Variants in ZFHX3 observed in about 807,000 individuals in gnomAD.
The protein encoded by ZFHX3 is zinc finger homeobox 3.
A neutral mutation model predicts 279.1 loss-of-function variants in ZFHX3; 42 were observed. The observed-to-expected ratio is 0.15, with a 90% CI of 0.12 to 0.19. The LOEUF (loss-of-function observed/expected upper bound fraction) is 0.19, where lower values mean the gene tolerates loss of function less well. Among genes scored for constraint, ZFHX3 ranks in the 10% least tolerant of loss-of-function variants. The pLI is 1.00. For missense variants in ZFHX3, 4,981 were observed against 4,754.0 expected (o/e 1.05, Z -1.40); for synonymous variants, 2,293 against 1,957.8 (o/e 1.17, Z -4.52).
At chr16:73,524,099 G>A (rs1422457585) in intron 2 of ZFHX3, among the ~76,000 whole-genome samples, 1 of 152,172 alleles carries the variant, frequency 6.6e-6, no homozygotes, top group Non-Finnish European at 1.5e-5. Flanking sequence ...AAGGACAGTA[G>A]GCTGGGTGAT....
chr16:73,306,121 G>A (rs1051044003), intron 4 of ZFHX3, among the ~76,000 whole-genome samples: 3 of 152,084 alleles, frequency 2.0e-5, no homozygotes, highest in Admixed American at 6.5e-5. Context: ...TTTCTACTGC[G>A]TACCTACTGT....
At chr16:73,818,483 A>G (rs962606042) in intron 1 of ZFHX3, among the ~76,000 whole-genome samples, 4 of 152,208 alleles carry the variant, frequency 2.6e-5, no homozygotes, top group Admixed American at 6.5e-5. Context: ...ATCATTATAC[A>G]TGATATCAAC....
chr16:73,122,920 G>A (rs1243385580), intron 7 of ZFHX3, among the ~76,000 whole-genome samples: 1 of 152,030 alleles, frequency 6.6e-6, no homozygotes. Context: ...GGCAACTGAA[G>A]AAAAGAAAAG....
intron 3 of ZFHX3, among the ~76,000 whole-genome samples, chr16:73,358,574 C>T (rs1279402248): frequency 6.6e-6 from 1 of 152,182 alleles, no homozygotes; most frequent in East Asian, 1.9e-4. Flanking sequence ...AGATTCCTGC[C>T]CTGTAGAAGC....
intron 2 of ZFHX3, among the ~76,000 whole-genome samples, chr16:73,588,836 TG>T (rs2051957003): frequency 6.6e-6 from 1 of 151,836 alleles, no homozygotes; most frequent in Admixed American, 6.6e-5. Flanking sequence ...AATGAACTTC[TG>T]GGGTTGGGGA....
intron 4 of ZFHX3, among the ~76,000 whole-genome samples, chr16:72,832,975 G>GA (rs1415719682): frequency 1.1e-4 from 16 of 152,240 alleles, no homozygotes; most frequent in Admixed American, 2.0e-4. Context: ...ACAGTAACCG[G>GA]AAAACTGTGA....
intron 5 of ZFHX3, among the ~76,000 whole-genome samples, chr16:73,226,310 C>CT: frequency 6.6e-6 from 1 of 152,324 alleles, no homozygotes; most frequent in African/African-American, 2.4e-5. Context: ...GCGCGGAACT[C>CT]TAAGTGGATC....
intron 4 of ZFHX3, among the ~76,000 whole-genome samples, chr16:73,311,062 G>C (rs933633755): frequency 2.0e-5 from 3 of 151,700 alleles, no homozygotes; most frequent in African/African-American, 4.8e-5. Context: ...GTGAGACCCT[G>C]TCTTTACTAA....
intron 7 of ZFHX3, among the ~76,000 whole-genome samples, chr16:73,116,338 C>T (rs1316944975): frequency 6.6e-6 from 1 of 152,054 alleles, no homozygotes; most frequent in Admixed American, 6.5e-5. Flanking sequence ...GTTACTCACT[C>T]ACAGGCATTT....
intron 1 of ZFHX3, among the ~76,000 whole-genome samples, chr16:73,702,317 A>G (rs1414249868): frequency 6.6e-6 from 1 of 152,102 alleles, no homozygotes; most frequent in Admixed American, 6.6e-5. Flanking sequence ...TGGGGGCTGC[A>G]GGTGTGGGGA....
intron 5 of ZFHX3, among the ~76,000 whole-genome samples, chr16:73,255,590 T>C (rs1265551323): frequency 6.6e-6 from 1 of 152,196 alleles, no homozygotes; most frequent in East Asian, 1.9e-4. Context: ...TAATGTCTGC[T>C]GAAGCCCTGG....
chr16:72,890,812 G>A (rs185742337), intron 3 of ZFHX3, among the ~76,000 whole-genome samples: 20 of 152,344 alleles, frequency 1.3e-4, no homozygotes, highest in African/African-American at 3.4e-4. Flanking sequence ...ACACAGCCAC[G>A]TCCATTGATT....
intron 2 of ZFHX3, among the ~76,000 whole-genome samples, chr16:73,526,646 G>T (rs551580664): frequency 3.9e-5 from 6 of 152,172 alleles, no homozygotes; most frequent in Non-Finnish European, 5.9e-5. Flanking sequence ...AGAACTGCTG[G>T]CTGTGAACTT....
chr16:73,787,542 TTGGGTGAGACC>T (rs2142310837), intron 1 of ZFHX3, among the ~76,000 whole-genome samples: 1 of 152,296 alleles, frequency 6.6e-6, no homozygotes, highest in East Asian at 1.9e-4. Context: ...CATTAACAAT[TTGGGTGAGACC>T]TGGATTCATT....
intron 3 of ZFHX3, among the ~76,000 whole-genome samples, chr16:73,395,187 G>A (rs2017102085): frequency 6.6e-6 from 1 of 152,194 alleles, no homozygotes; most frequent in African/African-American, 2.4e-5. Flanking sequence ...CATCTGGGCT[G>A]AGCACAGTGG....
At chr16:73,618,950 A>G (rs1036674368) in intron 2 of ZFHX3, among the ~76,000 whole-genome samples, 4 of 152,180 alleles carry the variant, frequency 2.6e-5, no homozygotes, top group African/African-American at 7.2e-5. Flanking sequence ...GCTGACTACC[A>G]TGGATAATTT....
chr16:72,904,484 T>C (rs1230132844), intron 3 of ZFHX3, among the ~76,000 whole-genome samples: 1 of 152,170 alleles, frequency 6.6e-6, no homozygotes, highest in Non-Finnish European at 1.5e-5. Flanking sequence ...CTATTCCTCC[T>C]GGGTCTTCAG....
chr16:72,986,585 T>C (rs1962853899), intron 1 of ZFHX3, among the ~76,000 whole-genome samples: 1 of 152,186 alleles, frequency 6.6e-6, no homozygotes, highest in Non-Finnish European at 1.5e-5. Flanking sequence ...AATTAACTCC[T>C]TCTTGGTCAC....
At chr16:73,095,349 A>G (rs1966147716) in intron 7 of ZFHX3, among the ~76,000 whole-genome samples, 1 of 152,144 alleles carries the variant, frequency 6.6e-6, no homozygotes. Context: ...CATCTTAGCT[A>G]CTGCTGAAGT....
Sources: gnomAD v4.1 joint callset for allele counts (sites outside exome capture counted in the v4.1 genomes callset) on GRCh38, gnomAD v4.1.1 for gene constraint, MANE v1.5 for transcripts, NCBI Gene and HGNC (gene_info 2026-07-23, HGNC 2026-07-21) for gene names.